PAK4: variants seen among roughly 807,000 people sequenced by gnomAD.
PAK4 encodes the protein serine/threonine-protein kinase PAK 4.
PAK4 carries 49 observed loss-of-function variants against 53.5 expected under a neutral mutation model. The ratio of observed to expected loss-of-function variants is 0.92; its 90% CI spans 0.73 to 1.16. The LOEUF is 1.16. Ranked by LOEUF, PAK4 falls within the 50% of genes most tolerant of loss-of-function variation. The probability of loss-of-function intolerance (pLI) is 0.00; values close to 1 mark genes in which losing one functional copy is unlikely to be tolerated. For synonymous variants in PAK4, 376 were observed against 375.6 expected (o/e 1.00, Z -0.01); for missense variants, 824 against 850.7 (o/e 0.97, Z 0.39).
exon 8 of PAK4, chr19:39,177,737 C>A (rs1262833048): frequency 6.2e-7 from 1 of 1,613,588 alleles, no homozygotes; most frequent in Non-Finnish European, 8.5e-7. Context: ...CCCCCTACTT[C>A]AACGAGCCAC....
In PAK4 at chr19:39,167,223, A is replaced by T. The variant is rs184912440; in HGVS notation, c.-22-2309A>T. 1.5e-3 allele frequency among the ~76,000 whole-genome samples: 230 copies of T among 152,058 alleles called. 1 individual carries two copies. Among genetic ancestry groups the T allele is most frequent in the African/African-American group, 5.2e-3 (215 of 41,492 alleles). ...AACTGCCTAGTGCCCCGCAGTGGGGAGGGAGCGGGATGGGGCGGGGCGACA... is the reference window on the plus strand; with the variant it reads ...AACTGCCTAGTGCCCCGCAGTGGGGTGGGAGCGGGATGGGGCGGGGCGACA... On this transcript the variant is annotated intron_variant, in intron 1 of 8. Coordinates refer to ENST00000358301, the Ensembl canonical transcript of PAK4.
At position 39,175,162 on chromosome 19, in the gene PAK4, C is replaced by T; in HGVS notation, c.1232+98C>T. ...TCTCCAAACCAGCTGTGCTCCGGGC[C>T]CCTGGGATGGGGTCGTGTCTTCCAT... On this transcript the variant is annotated intron_variant, in intron 5 of 8. Transcript: ENST00000358301. The surrounding 1 kb of genome is among the most constrained non-coding windows in gnomAD (Gnocchi z 4.7). 2 of 1,511,338 alleles carry T rather than the reference C, an allele frequency of 1.3e-6. No individual in the cohort carries two copies. The highest frequency in any genetic ancestry group is 1.8e-6 in the Non-Finnish European group (2 of 1,112,444). 93.6% of individuals were successfully genotyped at this position (1,511,338 alleles called of 1,614,324 possible).
At chr19:39,170,356 T>G (rs2074455510) in intron 2 of PAK4, among the ~76,000 whole-genome samples, 1 of 150,456 alleles carries the variant, frequency 6.6e-6, no homozygotes. Context: ...TTTTTGGTTT[T>G]GGGTTTTTTT....
At chr19:39,177,617 T>TC in intron 7 of PAK4, 58 bp from the exon 9 acceptor site, 1 of 1,544,946 alleles carries the variant, frequency 6.5e-7, no homozygotes, top group Non-Finnish European at 8.8e-7. Flanking sequence ...GCCTGAGGCC[T>TC]CCCCAGGACC....
chr19:39,133,080 C>T (rs539732363), intron 1 of PAK4, among the ~76,000 whole-genome samples: 1 of 152,312 alleles, frequency 6.6e-6, no homozygotes, highest in East Asian at 1.9e-4. Flanking sequence ...GCTCCTAACC[C>T]ATCTGACACA....
chr19:39,129,467 G>A (rs536681283), intron 1 of PAK4, among the ~76,000 whole-genome samples: 3 of 152,252 alleles, frequency 2.0e-5, no homozygotes, highest in Admixed American at 6.5e-5. Flanking sequence ...GGAGCTCCCC[G>A]CTTTCCTAGC....
At chr19:39,162,611 C>A (rs1351653697) in intron 1 of PAK4, among the ~76,000 whole-genome samples, 1 of 152,100 alleles carries the variant, frequency 6.6e-6, no homozygotes, top group Admixed American at 6.6e-5. Flanking sequence ...CCCCTCAGCT[C>A]CTTTCTGATT....
downstream of PAK4, chr19:39,180,728 G>C (rs1030892441): frequency 1.3e-5 from 2 of 152,262 alleles, no homozygotes; most frequent in Non-Finnish European, 1.5e-5. Flanking sequence ...ACAGGCATGA[G>C]CCACCATGCC....
At chr19:39,150,255 C>T (rs925049968) in intron 1 of PAK4, among the ~76,000 whole-genome samples, 4 of 152,062 alleles carry the variant, frequency 2.6e-5, no homozygotes, top group Admixed American at 2.0e-4. Context: ...CTGGCTTCCT[C>T]TCTCTTTTCT....
Position 39,166,323 on chromosome 19 carries a change from A to C in PAK4, c.-22-3209A>C, listed in dbSNP as rs957675170. On this transcript the variant is annotated intron_variant, in intron 1 of 8. Coordinates refer to ENST00000358301, the Ensembl canonical transcript of PAK4. ...GCTGGGCGTGGTGGCAGGCGCCTGT[A>C]ATCCCAGCTACTTGGGAGGCTGAGG... Among the ~76,000 whole-genome samples the C allele has an allele frequency of 3.9e-5, 6 of 152,360 alleles. No individual in the cohort carries two copies. In the South Asian group the frequency reaches 6.2e-4, roughly 16 times the overall value.
In PAK4 at chr19:39,144,141, CAGATAGATAGATAGATAGATTAGATT is replaced by C. The variant is rs1272404018; in HGVS notation, c.-23+18243_-23+18268del. On this transcript the variant is annotated intron_variant, in intron 1 of 8. Coordinates refer to ENST00000358301, the Ensembl canonical transcript of PAK4. ...ATAGACAGACAGACAGACAGACAGACAGATAGATAGATAGATAGATTAGATTAGATAGATAGATAGATAGATAGATA... is the reference window on the plus strand; with the variant it reads ...ATAGACAGACAGACAGACAGACAGACAGATAGATAGATAGATAGATAGATA... 8.3e-3 allele frequency among the ~76,000 whole-genome samples: 1,188 copies of C among 143,894 alleles called. 24 individuals carry two copies. The highest frequency in any genetic ancestry group is 0.031 in the African/African-American group (1,156 of 37,694). 94.4% of individuals were successfully genotyped at this position (143,894 alleles called of 152,430 possible).
chr19:39,176,851 C>T, intron 7 of PAK4, 136 bp downstream of exon 8: 1 of 1,013,100 alleles, frequency 9.9e-7, no homozygotes, highest in Middle Eastern at 3.2e-4. Flanking sequence ...GGAGGTACTG[C>T]AGGCATGCAT....
Position 39,145,862 on chromosome 19 carries a change from G to A in PAK4, c.-23+19943G>A, listed in dbSNP as rs535853861. On this transcript the variant is annotated intron_variant, in intron 1 of 8. Transcript: ENST00000358301. ...CAGCCTTTCTTGGAGAGGCCCTCTGGCGGGGAGTTTACTCTCAAAGGCTCT... is the reference window on the plus strand; with the variant it reads ...CAGCCTTTCTTGGAGAGGCCCTCTGACGGGGAGTTTACTCTCAAAGGCTCT... Among the ~76,000 whole-genome samples, 161 of 152,184 alleles carry A rather than the reference G, an allele frequency of 1.1e-3. 2 individuals carry two copies. The highest frequency in any genetic ancestry group is 3.3e-3 in the African/African-American group (138 of 41,538).
At chr19:39,147,053 CTGTCATTGTCAATTGACAAT>C (rs1234611172) in intron 1 of PAK4, among the ~76,000 whole-genome samples, 23 of 26,544 alleles carry the variant, frequency 8.7e-4, no homozygotes, top group Admixed American at 4.0e-3. Flanking sequence ...GACATTGACA[CTGTCATTGTCAATTGACAAT>C]TGTCATTGTC....
intron 1 of PAK4, among the ~76,000 whole-genome samples, chr19:39,128,106 C>T (rs1037374923): frequency 1.3e-5 from 2 of 152,172 alleles, no homozygotes; most frequent in Admixed American, 1.3e-4. Context: ...GCCTGGTACA[C>T]ACCCCTCTCC....
At chr19:39,126,642 T>G (rs2073588695) in intron 1 of PAK4, among the ~76,000 whole-genome samples, 1 of 152,168 alleles carries the variant, frequency 6.6e-6, no homozygotes, top group African/African-American at 2.4e-5. Context: ...GTTAAGTGAT[T>G]TGCACAAGGT....
At chr19:39,156,019 T>A (rs2074174049) in intron 1 of PAK4, among the ~76,000 whole-genome samples, 1 of 152,072 alleles carries the variant, frequency 6.6e-6, no homozygotes, top group African/African-American at 2.4e-5. Flanking sequence ...CTCTCCCTCC[T>A]CCCTTTCCTG....
rs371904272 is a variant in PAK4, at chr19:39,173,896, C to T, written c.984C>T (p.Gly328=). The T allele has an allele frequency of 9.9e-6, 16 of 1,612,290 alleles. No homozygotes were observed. Among genetic ancestry groups the T allele is most frequent in the South Asian group, 3.3e-5 (3 of 91,010 alleles). ...ACCTGGACAACTTCATCAAGATTGG[C>T]GAGGGCTCCACGGGCATCGTGTGCA... Residue 328 remains glycine, a synonymous_variant, in exon 4 of 9, where the codon GGC becomes GGT. Coordinates refer to ENST00000358301, the Ensembl canonical transcript of PAK4. This position sits in a 1 kb window ranked among gnomAD's most constrained non-coding sequence, Gnocchi z 6.9.
chr19:39,129,491 T>A (rs892467028), intron 1 of PAK4, among the ~76,000 whole-genome samples: 1 of 152,172 alleles, frequency 6.6e-6, no homozygotes, highest in Non-Finnish European at 1.5e-5. Context: ...TGCCAAGTCA[T>A]GCCCCCAGTG....
Sources: allele counts gnomAD v4.1 joint callset (sites outside exome capture counted in the v4.1 genomes callset), GRCh38; gene constraint gnomAD v4.1.1; non-coding constraint Gnocchi (gnomAD v3.1); transcripts MANE v1.5; gene names NCBI Gene and HGNC (gene_info 2026-07-23, HGNC 2026-07-21).